The following RUFY3 variants were observed in gnomAD, a reference collection of about 807,000 sequenced individuals.
RUFY3 encodes the protein RUN and FYVE domain containing 3.
In RUFY3, 34 loss-of-function variants were observed where a neutral mutation model predicts 84.0. That is an observed-to-expected ratio of 0.40 (90% confidence interval 0.31 to 0.54). The LOEUF is 0.54. Ranked by LOEUF, RUFY3 falls within the 20% of genes least tolerant of loss-of-function variation. RUFY3 has a pLI of 0.39. For synonymous variants in RUFY3, 242 were observed against 252.9 expected, an observed-to-expected ratio of 0.96 and a Z score of 0.41; for missense variants, 507 against 736.8, an observed-to-expected ratio of 0.69 and a Z score of 3.61.
intron 1 of RUFY3, among the ~76,000 whole-genome samples, chr4:70,755,830 A>G (rs540938271): frequency 1.3e-5 from 2 of 152,054 alleles, no homozygotes; most frequent in Non-Finnish European, 2.9e-5. Context: ...AGGTGCCTGT[A>G]GTCCCAGCTA....
intron 6 of RUFY3, among the ~76,000 whole-genome samples, chr4:70,774,643 A>AC (rs1560532186): frequency 8.9e-6 from 1 of 111,816 alleles, no homozygotes; most frequent in African/African-American, 4.2e-5. Flanking sequence ...AAAAAAAAAA[A>AC]AATATATATA....
intron 1 of RUFY3, among the ~76,000 whole-genome samples, chr4:70,746,581 A>G (rs1389753006): frequency 6.6e-6 from 1 of 151,916 alleles, no homozygotes; most frequent in Non-Finnish European, 1.5e-5. Context: ...TTTCCTTAGT[A>G]TATTCCAAGC....
intron 15 of RUFY3, 145 bp downstream of exon 15, chr4:70,800,350 TTAA>T: frequency 1.6e-6 from 1 of 625,478 alleles, no homozygotes; most frequent in Non-Finnish European, 2.7e-6. Flanking sequence ...GAAGTGGAAG[TTAA>T]TAATAAAACG....
intron 2 of RUFY3, 122 bp downstream of exon 2, chr4:70,762,814 T>C (rs931218526): frequency 2.4e-6 from 2 of 829,768 alleles, no homozygotes; most frequent in Admixed American, 2.9e-5. Flanking sequence ...TATTAATCCA[T>C]TGGAATGCAG....
chr4:70,713,100 AGCAACCTCT>A (rs1741168688), intron 1 of RUFY3, among the ~76,000 whole-genome samples: 1 of 152,182 alleles, frequency 6.6e-6, no homozygotes, highest in African/African-American at 2.4e-5. Flanking sequence ...CTTGCCTCAC[AGCAACCTCT>A]GCTTCCCGGG....
rs1229892271 is a variant in RUFY3 at position 70,806,577 on chromosome 4, T to C, written c.1781T>C (p.Leu594Pro). The change falls in exon 18 of 18, where the codon CTT becomes CCT. Residue 594 changes from leucine to proline, a missense_variant. By Grantham distance (98) the Leu-to-Pro change is moderately conservative (BLOSUM62 -3). Around this residue, in one of 4 missense-constraint regions of RUFY3, gnomAD observed 334 missense variants for 364.1 expected, o/e 0.92. Coordinates refer to ENST00000381006, the MANE Select transcript of RUFY3 (RefSeq NM_001037442.4). ...GCCTGTTCAACAAATGAACTGCCTC[T>C]TCCTTCAAGTATCAAGCTTGAGCGA... is the stretch of plus-strand genomic sequence containing the variant. ...CDACSTNELPLPSSIKLERVC... is the reference protein window; with the variant it reads ...CDACSTNELPPPSSIKLERVC... 1 of 1,614,196 alleles carries C rather than the reference T, an allele frequency of 6.2e-7. No individual in the cohort carries two copies. The highest frequency in any genetic ancestry group is 1.1e-5 in the South Asian group (1 of 91,090).
intron 1 of RUFY3, among the ~76,000 whole-genome samples, chr4:70,727,936 T>C (rs1718562993): frequency 6.6e-6 from 1 of 152,182 alleles, no homozygotes; most frequent in Non-Finnish European, 1.5e-5. Flanking sequence ...ACTCAGTTTA[T>C]AACACGTTTA....
intron 7 of RUFY3, among the ~76,000 whole-genome samples, chr4:70,775,945 A>AAC (rs1727879581): frequency 1.2e-4 from 2 of 16,694 alleles, no homozygotes; most frequent in Non-Finnish European, 6.0e-4. Context: ...TGTCTTAAAC[A>AAC]AAAAAAAAAA....
chr4:70,767,409 G>A (rs1301719550), intron 4 of RUFY3, among the ~76,000 whole-genome samples: 4 of 150,798 alleles, frequency 2.7e-5, no homozygotes, highest in East Asian at 2.0e-4. Context: ...TGCGCCTGGC[G>A]ATAGCTCCCT....
At chr4:70,786,986 C>T (rs1334241569) in intron 10 of RUFY3, among the ~76,000 whole-genome samples, 1 of 151,406 alleles carries the variant, frequency 6.6e-6, no homozygotes, top group African/African-American at 2.4e-5. Flanking sequence ...GCCTGGGCAA[C>T]ATAGGGACAC....
intron 7 of RUFY3, among the ~76,000 whole-genome samples, chr4:70,777,036 CA>C (rs766690317): frequency 2.6e-5 from 4 of 152,078 alleles, no homozygotes; most frequent in Non-Finnish European, 5.9e-5. Flanking sequence ...ATAGAGAGCA[CA>C]AATCAGATTT....
At chr4:70,732,857 A>G (rs967405257) in intron 1 of RUFY3, among the ~76,000 whole-genome samples, 2 of 152,012 alleles carry the variant, frequency 1.3e-5, no homozygotes, top group Non-Finnish European at 2.9e-5. Context: ...ATGTATACCT[A>G]TGTAACAAAC....
At position 70,797,132 on chromosome 4, in the gene RUFY3, A is replaced by G. The variant is rs145351136; in HGVS notation, c.1557+2238A>G. 2.6e-3 allele frequency among the ~76,000 whole-genome samples: 390 copies of G among 151,896 alleles called. 1 individual carries two copies. The highest frequency in any genetic ancestry group is 9.0e-3 in the African/African-American group (371 of 41,434). The stretch of plus-strand genomic sequence containing the variant: ...ATTTTTGTATTTTTTTGGTAGAGTC[A>G]GGGTTTTGCCATGTTGTCCAGGCTG... On this transcript the variant is annotated intron_variant, in intron 14 of 17. Transcript: ENST00000381006.
intron 1 of RUFY3, among the ~76,000 whole-genome samples, chr4:70,757,129 C>T (rs1234906258): frequency 1.3e-5 from 2 of 151,574 alleles, no homozygotes; most frequent in Admixed American, 1.3e-4. Flanking sequence ...AAAAATTAGC[C>T]GGGCATGGTT....
chr4:70,791,345 G>T, intron 12 of RUFY3: 1 of 1,604,322 alleles, frequency 6.2e-7, no homozygotes, highest in Non-Finnish European at 8.5e-7. Context: ...CAACTTAATT[G>T]TAAAAGGAAG....
intron 1 of RUFY3, among the ~76,000 whole-genome samples, chr4:70,737,597 T>C (rs1720539305): frequency 6.6e-6 from 1 of 151,960 alleles, no homozygotes; most frequent in Non-Finnish European, 1.5e-5. Context: ...GGCTCAGCCC[T>C]CCTTAGCGTT....
At chr4:70,735,928 C>T (rs1720203753) in intron 1 of RUFY3, among the ~76,000 whole-genome samples, 1 of 151,968 alleles carries the variant, frequency 6.6e-6, no homozygotes, top group South Asian at 2.1e-4. Flanking sequence ...GTGGAGGTTG[C>T]AGTGAGATGA....
rs1230505619 is a variant in RUFY3 at position 70,704,948 on chromosome 4, C to G, written c.12C>G (p.Thr4=). 3.3e-6 allele frequency: 4 copies of G among 1,225,896 alleles called. No homozygotes were observed. In the African/African-American group the frequency reaches 6.3e-5, roughly 19 times the overall value. 75.9% of individuals were successfully genotyped at this position (1,225,896 alleles called of 1,614,324 possible). The change falls in exon 1 of 12, where the codon ACC becomes ACG. Residue 4 remains threonine, a synonymous_variant. Coordinates refer to the RUFY3 transcript ENST00000417478. ...AGGAAGGAGTGAGCATGGCTGAGAC[C>G]CCGCCGCCGCCCACCGCTGGTGCCG...
At chr4:70,804,300 A>G (rs1010845757) in intron 16 of RUFY3, 48 bp from the exon 17 acceptor site, 1 of 1,458,510 alleles carries the variant, frequency 6.9e-7, no homozygotes, top group Non-Finnish European at 9.6e-7. Context: ...TGAAAGTACT[A>G]ATATTTCTGG....
Sources: gnomAD v4.1 joint callset for allele counts (sites outside exome capture counted in the v4.1 genomes callset) on GRCh38, gnomAD v4.1.1 for gene constraint, gnomAD v4.1.1 regional missense constraint, MANE v1.5 for transcripts, NCBI Gene and HGNC (gene_info 2026-07-23, HGNC 2026-07-21) for gene names.